The following ASTN1 variants were observed in gnomAD, a reference collection of about 807,000 sequenced individuals.
ASTN1 encodes the protein astrotactin 1.
ASTN1 carries 41 observed loss-of-function variants against 140.7 expected under a neutral mutation model. The observed-to-expected ratio is 0.29, with a 90% confidence interval of 0.23 to 0.38. ASTN1 has a LOEUF of 0.38. Among genes scored for constraint, ASTN1 ranks in the 10% least tolerant of loss-of-function variants. The pLI is 1.00. For missense variants in ASTN1, 1,479 were observed against 1,678.8 expected (o/e 0.88, Z 2.08); for synonymous variants, 640 against 652.2 (o/e 0.98, Z 0.29).
rs151317217 is a variant in ASTN1 at position 176,973,818 on chromosome 1, G to T, written c.1524-8581C>A. On this transcript the variant is annotated intron_variant, in intron 8 of 22. Transcript: ENST00000361833. The stretch of plus-strand genomic sequence containing the variant: ...TTAGGCATGAACAGTTTCCACTCCT[G>T]ACTAGAGTGCTGCCATCCCAGCCCA... 3.1e-3 allele frequency among the ~76,000 whole-genome samples: 476 copies of T among 152,210 alleles called. 7 individuals are homozygous for T. Among genetic ancestry groups the T allele is most frequent in the African/African-American group, 0.011 (441 of 41,532 alleles).
chr1:177,053,457 C>T (rs1195101281), intron 2 of ASTN1, among the ~76,000 whole-genome samples: 1 of 152,202 alleles, frequency 6.6e-6, no homozygotes, highest in Non-Finnish European at 1.5e-5. Context: ...ACTTGTCTCT[C>T]AGTTCTGCCA....
chr1:176,965,356 C>A, intron 8 of ASTN1, 119 bp from the exon 9 acceptor site: 1 of 908,112 alleles, frequency 1.1e-6, no homozygotes, highest in South Asian at 1.7e-5. Flanking sequence ...ATAGCCTCTG[C>A]CCTCAAGAAG....
intron 1 of ASTN1, among the ~76,000 whole-genome samples, chr1:177,152,336 G>GTT (rs1683074847): frequency 6.6e-6 from 1 of 151,952 alleles, no homozygotes; most frequent in Non-Finnish European, 1.5e-5. Context: ...TACTGCTGTG[G>GTT]TTTACGTGTA....
At chr1:176,936,779 G>A (rs1208951482) in intron 14 of ASTN1, among the ~76,000 whole-genome samples, 1 of 152,070 alleles carries the variant, frequency 6.6e-6, no homozygotes, top group Admixed American at 6.6e-5. Flanking sequence ...TAGGTTTTTG[G>A]TGCCCAGTCA....
intron 14 of ASTN1, among the ~76,000 whole-genome samples, chr1:176,942,840 A>T (rs572815939): frequency 1.5e-5 from 1 of 68,744 alleles, no homozygotes; most frequent in Non-Finnish European, 3.1e-5. Flanking sequence ...ATATATGTAT[A>T]TATATATATA....
At chr1:176,917,399 T>C (rs976861971) in intron 16 of ASTN1, among the ~76,000 whole-genome samples, 45 of 152,152 alleles carry the variant, frequency 3.0e-4, no homozygotes, top group African/African-American at 1.1e-3. Flanking sequence ...CATGTTAATA[T>C]TGACTAGTAA....
chr1:177,022,721 T>G (rs1252609745), intron 7 of ASTN1, among the ~76,000 whole-genome samples: 1 of 152,256 alleles, frequency 6.6e-6, no homozygotes, highest in South Asian at 2.1e-4. Flanking sequence ...TTCATTTTAA[T>G]AGTATTTATA....
rs1240422493 is a variant in ASTN1 at position 176,861,997 on chromosome 1, C to A, written c.*2287G>T. On this transcript the variant is annotated 3_prime_UTR_variant, in exon 23 of 23. Coordinates refer to ENST00000361833, the MANE Select transcript of ASTN1 (RefSeq NM_004319.3). ...GGGCAGGAAGGCATCGGCAGCCTCA[C>A]CCTCCTTTCACTCAAGCTTAAAACA... 6 of 985,412 alleles carry A rather than the reference C, an allele frequency of 6.1e-6. No homozygotes were observed. The highest frequency in any genetic ancestry group is 7.2e-6 in the Non-Finnish European group (6 of 830,052). The allele number at this position is 985,412 out of a possible 1,614,324, so 61.0% of individuals were successfully genotyped here.
At chr1:177,119,680 G>A (rs766029010) in intron 1 of ASTN1, among the ~76,000 whole-genome samples, 2 of 152,184 alleles carry the variant, frequency 1.3e-5, no homozygotes, top group Non-Finnish European at 2.9e-5. Context: ...CTAGGACTCC[G>A]TATACTCCTG....
Position 176,873,902 on chromosome 1 carries a change from G to A in ASTN1, c.3463+2635C>T, listed in dbSNP as rs1483638367. Among the ~76,000 whole-genome samples the A allele has an allele frequency of 8.5e-5, 13 of 152,118 alleles. 1 individual carries two copies. The highest frequency in any genetic ancestry group is 4.1e-4 in the South Asian group (2 of 4,832). On this transcript the variant is annotated intron_variant, in intron 21 of 22. Transcript: ENST00000361833. Reference sequence around the variant, plus strand: ...GCTTGGGTTGACCCGAAGGAGCCCCGCATGGAAAACTGTGTAGTTGTCTGC... The same window carrying A: ...GCTTGGGTTGACCCGAAGGAGCCCCACATGGAAAACTGTGTAGTTGTCTGC...
intron 8 of ASTN1, among the ~76,000 whole-genome samples, chr1:177,009,318 T>C (rs576812814): frequency 2.6e-5 from 4 of 152,268 alleles, no homozygotes; most frequent in African/African-American, 9.6e-5. Context: ...CCACCAGATG[T>C]GGTCTTTGTC....
intron 2 of ASTN1, among the ~76,000 whole-genome samples, chr1:177,034,803 A>G (rs1463018273): frequency 1.3e-5 from 2 of 152,344 alleles, no homozygotes; most frequent in East Asian, 3.9e-4. Context: ...TAACTTCCCA[A>G]CTGAGAGAAG....
At chr1:177,148,286 C>T (rs893728985) in intron 1 of ASTN1, among the ~76,000 whole-genome samples, 17 of 151,794 alleles carry the variant, frequency 1.1e-4, no homozygotes, top group African/African-American at 2.9e-4. Context: ...GGCGTGGTGG[C>T]GGGCACCTGT....
At position 177,084,399 on chromosome 1, in the gene ASTN1, G is replaced by A. The variant is rs145257356; in HGVS notation, c.284-23134C>T. On this transcript the variant is annotated intron_variant, in intron 1 of 22. Transcript: ENST00000361833. ...CAATCACAGAGGTGCCAACGAGTGT[G>A]TCCCCCCACAAAGAGAAAATCTCCA... Among the ~76,000 whole-genome samples the A allele has an allele frequency of 4.7e-3, 717 of 152,244 alleles. 6 individuals are homozygous for A. The highest frequency in any genetic ancestry group is 8.2e-3 in the Non-Finnish European group (557 of 68,028).
rs181543297 is a variant in ASTN1 at position 177,143,455 on chromosome 1, C to A, written c.283+20939G>T. 2.0e-5 allele frequency among the ~76,000 whole-genome samples: 3 copies of A among 152,168 alleles called. No individual in the cohort carries two copies. In the East Asian group the frequency reaches 5.8e-4, roughly 29 times the overall value. On this transcript the variant is annotated intron_variant, in intron 1 of 22. Coordinates refer to ENST00000361833, the MANE Select transcript of ASTN1 (RefSeq NM_004319.3). The stretch of plus-strand genomic sequence containing the variant: ...AATGCAAATCACTGAGAAGTTGCAC[C>A]CTGAAGTTGTAAAGACCATCTTGGG...
intron 1 of ASTN1, among the ~76,000 whole-genome samples, chr1:177,105,387 T>C (rs1450169150): frequency 6.6e-6 from 1 of 152,156 alleles, no homozygotes; most frequent in Non-Finnish European, 1.5e-5. Flanking sequence ...AATGAAATCA[T>C]GGATTTCCCT....
chr1:176,888,342 C>T (rs1669126497), intron 17 of ASTN1, 138 bp from the exon 18 acceptor site: 25 of 1,030,582 alleles, frequency 2.4e-5, no homozygotes, highest in Non-Finnish European at 5.6e-6. Context: ...TTATCATTGT[C>T]TCAAATTCTG....
intron 16 of ASTN1, among the ~76,000 whole-genome samples, chr1:176,900,056 G>T (rs1379819022): frequency 6.6e-6 from 1 of 152,034 alleles, no homozygotes; most frequent in Non-Finnish European, 1.5e-5. Flanking sequence ...TGAACATATT[G>T]GAGTGAATAT....
intron 2 of ASTN1, 46 bp downstream of exon 2, chr1:177,061,032 G>T (rs371116368): frequency 5.3e-5 from 77 of 1,449,012 alleles, no homozygotes; most frequent in Non-Finnish European, 7.0e-5. Flanking sequence ...TAATGTCAAG[G>T]TAACATAAGC....
Sources: gnomAD v4.1 joint callset for allele counts (sites outside exome capture counted in the v4.1 genomes callset) on GRCh38, gnomAD v4.1.1 for gene constraint, MANE v1.5 for transcripts, NCBI Gene and HGNC (gene_info 2026-07-23, HGNC 2026-07-21) for gene names.